The following ADARB1 variants were observed in gnomAD, a reference collection of about 807,000 sequenced individuals.
ADARB1 encodes the protein double-stranded RNA-specific editase 1.
A neutral mutation model predicts 52.4 loss-of-function variants in ADARB1; 10 were observed. The observed-to-expected ratio is 0.19, with a 90% CI of 0.12 to 0.32. The LOEUF (loss-of-function observed/expected upper bound fraction) is 0.32, where lower values mean the gene tolerates loss of function less well. ADARB1 is among the 10% of genes least tolerant of loss of function. The pLI is 1.00. For missense variants in ADARB1, 643 were observed against 922.3 expected (o/e 0.70, Z 3.92); for synonymous variants, 349 against 371.1 (o/e 0.94, Z 0.68).
chr21:45,223,380 G>A lies in ADARB1; in HGVS notation c.*1183G>A. ...GGCTGCCCAGCGCCCAGCGTGCACG[G>A]GACGGCCCCACGACAGAGGGAGTCA... is the stretch of plus-strand genomic sequence containing the variant. On this transcript the variant is annotated 3_prime_UTR_variant, in exon 11 of 11. Coordinates refer to ENST00000348831, the MANE Select transcript of ADARB1 (RefSeq NM_001112.4). The A allele has an allele frequency of 5.1e-6, 5 of 985,724 alleles. No homozygotes were observed. The highest frequency in any genetic ancestry group is 6.0e-6 in the Non-Finnish European group (5 of 830,140). The allele number at this position is 985,724 out of a possible 1,614,324, so 61.1% of individuals were successfully genotyped here.
chr21:45,118,045 T>C (rs1447914319), intron 1 of ADARB1, among the ~76,000 whole-genome samples: 4 of 152,256 alleles, frequency 2.6e-5, no homozygotes, highest in African/African-American at 9.6e-5. Flanking sequence ...TCCCTGTGCT[T>C]TTCCTGCAAG....
In ADARB1 at chr21:45,171,848, A is replaced by G. The variant is rs150484050; in HGVS notation, c.28+164A>G. 2.5e-3 allele frequency: 1,563 copies of G among 632,058 alleles called. 7 individuals are homozygous for G. The highest frequency in any genetic ancestry group is 3.0e-3 in the Non-Finnish European group (1,112 of 373,686). The allele number at this position is 632,058 out of a possible 1,614,324, so 39.2% of individuals were successfully genotyped here. A position where few individuals can be genotyped will look rare whatever the true frequency, so the allele number is the denominator to read the frequency against. ...TTTAATTTTTGGTGTGTTCTCTGCAACAGGTGTCAGAATTTGCTGCAGACG... is the reference window on the plus strand; with the variant it reads ...TTTAATTTTTGGTGTGTTCTCTGCAGCAGGTGTCAGAATTTGCTGCAGACG... On this transcript the variant is annotated intron_variant, in intron 3 of 10. Transcript: ENST00000348831.
At chr21:45,125,454 T>C (rs1229366350) in intron 1 of ADARB1, among the ~76,000 whole-genome samples, 2 of 152,244 alleles carry the variant, frequency 1.3e-5, no homozygotes, top group South Asian at 2.1e-4. Context: ...CTGTGATCTC[T>C]TCAGAGCATC....
intron 2 of ADARB1, among the ~76,000 whole-genome samples, chr21:45,141,989 C>T (rs1235703318): frequency 6.6e-6 from 1 of 152,072 alleles, no homozygotes; most frequent in Non-Finnish European, 1.5e-5. Flanking sequence ...ACCTTAGTCA[C>T]TCATGGTCAG....
chr21:45,113,523 GTATATA>G (rs1207979584), intron 1 of ADARB1, among the ~76,000 whole-genome samples: 1 of 101,968 alleles, frequency 9.8e-6, no homozygotes, highest in African/African-American at 3.4e-5. Context: ...GTGTGTGTGT[GTATATA>G]TATATATATG....
chr21:45,103,098 A>G lies in ADARB1; in HGVS notation c.-219-25304A>G, dbSNP rs115135727. 8.5e-3 allele frequency among the ~76,000 whole-genome samples: 1,299 copies of G among 152,336 alleles called. 11 individuals are homozygous for G. Among genetic ancestry groups the G allele is most frequent in the African/African-American group, 0.03 (1,245 of 41,574 alleles). Reference sequence around the variant, plus strand: ...TGAGGGACAGCTTCCTCAACAGTCAAAAACCAAGAAGAGTCTGAGAAACTC... The same window carrying G: ...TGAGGGACAGCTTCCTCAACAGTCAGAAACCAAGAAGAGTCTGAGAAACTC... On this transcript the variant is annotated intron_variant, in intron 1 of 10. Coordinates refer to ENST00000348831, the MANE Select transcript of ADARB1 (RefSeq NM_001112.4).
intron 7 of ADARB1, chr21:45,184,503 C>T: frequency 3.4e-6 from 1 of 296,222 alleles, no homozygotes; most frequent in South Asian, 2.8e-5. Flanking sequence ...GGCTGGAGTG[C>T]AGTGGTGCAA....
Position 45,221,757 on chromosome 21 carries a change from AG to A in ADARB1, c.1927-260del, listed in dbSNP as rs1400195098. Among the ~76,000 whole-genome samples, 1 of 152,238 alleles carries A rather than the reference AG, an allele frequency of 6.6e-6. No individual in the cohort carries two copies. The highest frequency in any genetic ancestry group is 1.5e-5 in the Non-Finnish European group (1 of 68,034). On this transcript the variant is annotated intron_variant, in intron 10 of 10. Coordinates refer to ENST00000348831, the MANE Select transcript of ADARB1 (RefSeq NM_001112.4). This position sits in a 1 kb window ranked among gnomAD's most constrained non-coding sequence, Gnocchi z 4.9. ...GTGAATCCACTATTGGTGGTTTCCC[AG>A]AAGCATGTCTTCAGAACTCGGGGGT...
chr21:45,145,279 C>T (rs943237364), intron 2 of ADARB1: 1 of 152,434 alleles, frequency 6.6e-6, no homozygotes, highest in African/African-American at 2.4e-5. Flanking sequence ...CAAGCAGGCC[C>T]ACGGGGCACA....
intron 2 of ADARB1, among the ~76,000 whole-genome samples, chr21:45,156,363 CCATCATCACCCAT>C: frequency 6.6e-6 from 1 of 151,646 alleles, no homozygotes; most frequent in Middle Eastern, 3.5e-3. Flanking sequence ...ATCCACCCAC[CCATCATCACCCAT>C]CACCCATCAT....
chr21:45,103,002 A>C (rs910276776), intron 1 of ADARB1, among the ~76,000 whole-genome samples: 2 of 152,176 alleles, frequency 1.3e-5, no homozygotes, highest in African/African-American at 2.4e-5. Context: ...GTGGGCCTTC[A>C]CCTCTGGGGG....
chr21:45,095,817 C>G (rs745906115), intron 1 of ADARB1, among the ~76,000 whole-genome samples: 2 of 152,086 alleles, frequency 1.3e-5, no homozygotes, highest in African/African-American at 4.8e-5. Context: ...GGTCTGTGCT[C>G]GAGAAAATAA....
intron 1 of ADARB1, among the ~76,000 whole-genome samples, chr21:45,108,655 T>C (rs945645632): frequency 6.6e-6 from 1 of 152,262 alleles, no homozygotes; most frequent in African/African-American, 2.4e-5. Context: ...CCTAGGGGTT[T>C]AAATTTAGGT....
At chr21:45,091,253 T>G in intron 1 of ADARB1, among the ~76,000 whole-genome samples, 1 of 152,228 alleles carries the variant, frequency 6.6e-6, no homozygotes, top group East Asian at 1.9e-4. Context: ...TGGTATTATC[T>G]TAAATCAACT....
At chr21:45,104,255 A>G (rs2087151866) in intron 1 of ADARB1, among the ~76,000 whole-genome samples, 1 of 152,102 alleles carries the variant, frequency 6.6e-6, no homozygotes, top group African/African-American at 2.4e-5. Flanking sequence ...AGTGGGATAT[A>G]TTTATGTGCT....
At chr21:45,091,572 C>T (rs1032006022) in intron 1 of ADARB1, among the ~76,000 whole-genome samples, 1 of 152,188 alleles carries the variant, frequency 6.6e-6, no homozygotes, top group Non-Finnish European at 1.5e-5. Flanking sequence ...GTCTATGGCT[C>T]AGAGGGAGAG....
intron 1 of ADARB1, among the ~76,000 whole-genome samples, chr21:45,075,027 G>C (rs2085860293): frequency 1.3e-5 from 2 of 150,978 alleles, no homozygotes; most frequent in African/African-American, 4.9e-5. Context: ...CTGCGCCCGG[G>C]CGGCCCCGCG....
chr21:45,082,016 G>T (rs2086171565), intron 1 of ADARB1, among the ~76,000 whole-genome samples: 1 of 152,206 alleles, frequency 6.6e-6, no homozygotes, highest in Non-Finnish European at 1.5e-5. Context: ...AGAAAAGAGA[G>T]CAGGTGTGAA....
Position 45,220,735 on chromosome 21 carries a change from A to C in ADARB1, c.1748-101A>C, listed in dbSNP as rs1439464671. 2 of 1,286,756 alleles carry C rather than the reference A, an allele frequency of 1.6e-6. No homozygotes were observed. Among genetic ancestry groups the C allele is most frequent in the Non-Finnish European group, 2.2e-6 (2 of 913,084 alleles). The allele number at this position is 1,286,756 out of a possible 1,614,324, so 79.7% of individuals were successfully genotyped here. ...GGCAGGCAGAATTCCCCCACCACGC[A>C]CTTCTGTGGCCATGTCTGAGCACAG... On this transcript the variant is annotated intron_variant, in intron 9 of 10. Coordinates refer to ENST00000348831, the MANE Select transcript of ADARB1 (RefSeq NM_001112.4). The surrounding 1 kb of genome is among the most constrained non-coding windows in gnomAD (Gnocchi z 6.3).
Sources: allele counts gnomAD v4.1 joint callset (sites outside exome capture counted in the v4.1 genomes callset), GRCh38; gene constraint gnomAD v4.1.1; non-coding constraint Gnocchi (gnomAD v3.1); transcripts MANE v1.5; gene names NCBI Gene and HGNC (gene_info 2026-07-23, HGNC 2026-07-21).